ADCY5: variants seen among roughly 807,000 people sequenced by gnomAD.
ADCY5 encodes the protein adenylate cyclase 5.
Under a neutral mutation model 119.7 loss-of-function variants are expected in ADCY5, and 30 were observed. The observed-to-expected ratio is 0.25, with a 90% confidence interval of 0.19 to 0.34. The LOEUF (loss-of-function observed/expected upper bound fraction) is 0.34. ADCY5 is among the 10% of genes least tolerant of loss of function. The probability of loss-of-function intolerance (pLI) is 1.00; values close to 1 mark genes in which losing one functional copy is unlikely to be tolerated. For missense variants in ADCY5, 1,324 were observed against 1,775.2 expected (o/e 0.75, Z 4.57); for synonymous variants, 753 against 762.2 (o/e 0.99, Z 0.20).
intron 2 of ADCY5, among the ~76,000 whole-genome samples, chr3:123,348,205 G>A (rs1473368458): frequency 6.6e-6 from 1 of 152,028 alleles, no homozygotes; most frequent in Non-Finnish European, 1.5e-5. Context: ...TGAGCACCTC[G>A]GGTTAGAATC....
intron 7 of ADCY5, 73 bp from the exon 8 acceptor site, chr3:123,325,535 C>G (rs1941443964): frequency 1.9e-6 from 3 of 1,587,560 alleles, no homozygotes; most frequent in Non-Finnish European, 2.6e-6. Context: ...CCCCAAACAT[C>G]GTACCTGGCC....
At chr3:123,397,202 G>T (rs1054785632) in intron 1 of ADCY5, among the ~76,000 whole-genome samples, 2 of 152,164 alleles carry the variant, frequency 1.3e-5, no homozygotes, top group African/African-American at 2.4e-5. Flanking sequence ...TTTCCTTACT[G>T]CTCGCTGCAG....
chr3:123,439,099 C>T (rs559271714), intron 1 of ADCY5, among the ~76,000 whole-genome samples: 274 of 1,290 alleles, frequency 0.21, 4 homozygotes, highest in African/African-American at 0.28. Context: ...GATGGAGTCT[C>T]GCTCTATCAC....
chr3:123,437,830 G>T (rs1221726073), intron 1 of ADCY5, among the ~76,000 whole-genome samples: 1 of 152,138 alleles, frequency 6.6e-6, no homozygotes, highest in Non-Finnish European at 1.5e-5. Flanking sequence ...AGCCCACCAA[G>T]GGTCATTGTG....
chr3:123,306,094 A>G (rs1187088770), intron 12 of ADCY5, among the ~76,000 whole-genome samples: 1 of 152,258 alleles, frequency 6.6e-6, no homozygotes, highest in East Asian at 1.9e-4. Context: ...CCTCTGGGAT[A>G]ATAAAAAGAG....
At chr3:123,312,064 A>G (rs1468388390) in intron 12 of ADCY5, among the ~76,000 whole-genome samples, 3 of 152,344 alleles carry the variant, frequency 2.0e-5, no homozygotes, top group Middle Eastern at 3.4e-3. Context: ...AGGTGGCTGC[A>G]GGCAGGAAAA....
At chr3:123,306,305 G>A (rs1940195310) in intron 12 of ADCY5, among the ~76,000 whole-genome samples, 1 of 152,186 alleles carries the variant, frequency 6.6e-6, no homozygotes, top group Non-Finnish European at 1.5e-5. Context: ...TCAACAAATT[G>A]TGCTGGGACA....
chr3:123,347,629 C>T (rs1942620363), intron 3 of ADCY5, among the ~76,000 whole-genome samples, 153 bp downstream of exon 3: 2 of 152,140 alleles, frequency 1.3e-5, no homozygotes, highest in South Asian at 4.1e-4. Flanking sequence ...ATTTAACACA[C>T]CTGGAGGGGT....
In ADCY5 at chr3:123,336,753, G is replaced by A. The variant is rs1203190485; in HGVS notation, c.1407-4078C>T. On this transcript the variant is annotated intron_variant, in intron 3 of 20. Transcript: ENST00000462833. ...AGGTGGGCCAGGCCTCTGCCCACCC[G>A]TGCACTGGATGGCCAGGCCTGTGGT... Among the ~76,000 whole-genome samples the A allele has an allele frequency of 5.9e-5, 9 of 152,156 alleles. No homozygotes were observed. The South Asian group carries it at 1.0e-3, about 18-fold the overall frequency.
rs111497612 is a variant in ADCY5 at position 123,402,455 on chromosome 3, G to T, written c.1134+44957C>A. ...CATGTGTTGACAATGCCGGCAGGAT[G>T]CTGGAAGCCAAGGGGGCCCAGGAAG... On this transcript the variant is annotated intron_variant, in intron 1 of 20. Transcript: ENST00000462833. 3.2e-3 allele frequency among the ~76,000 whole-genome samples: 480 copies of T among 152,324 alleles called. 4 individuals carry two copies. Among genetic ancestry groups the T allele is most frequent in the African/African-American group, 0.011 (459 of 41,584 alleles).
rs571944438 is a variant in ADCY5 at position 123,303,272 on chromosome 3, T to C, written c.2560-53A>G. 3.6e-4 allele frequency: 560 copies of C among 1,570,098 alleles called. 2 individuals carry two copies. In the African/African-American group the frequency reaches 6.8e-3, roughly 19 times the overall value. On this transcript the variant is annotated intron_variant, in intron 13 of 20. Coordinates refer to ENST00000462833, the MANE Select transcript of ADCY5 (RefSeq NM_183357.3). ...GGAGGGTAAGCTGCTGGGGGACAGGTAGAGCAGCCCAGCCCACCAGGCCGC... is the reference window on the plus strand; with the variant it reads ...GGAGGGTAAGCTGCTGGGGGACAGGCAGAGCAGCCCAGCCCACCAGGCCGC...
Position 123,330,871 on chromosome 3 carries a change from C to CG in ADCY5, c.1646+17dup, listed in dbSNP as rs749072849. On this transcript the variant is annotated intron_variant, in intron 5 of 20. Transcript: ENST00000462833. ...CAGTCCCAGGGAGGGAGACGGTACCCGGGGGGTGGACACTTACGAGATGGC... is the reference window on the plus strand; with the variant it reads ...CAGTCCCAGGGAGGGAGACGGTACCCGGGGGGGTGGACACTTACGAGATGGC... 3.1e-6 allele frequency: 5 copies of CG among 1,601,732 alleles called. No homozygotes were observed. Among genetic ancestry groups the CG allele is most frequent in the Non-Finnish European group, 8.5e-7 (1 of 1,173,940 alleles).
intron 8 of ADCY5, among the ~76,000 whole-genome samples, chr3:123,321,839 A>AC (rs1461486408): frequency 6.6e-6 from 1 of 152,000 alleles, no homozygotes; most frequent in Non-Finnish European, 1.5e-5. Context: ...CAGAGGCTCT[A>AC]CCCCCAGCTG....
At chr3:123,353,616 C>T (rs1559831247) in intron 1 of ADCY5, among the ~76,000 whole-genome samples, 1 of 152,226 alleles carries the variant, frequency 6.6e-6, no homozygotes. Flanking sequence ...GCACCTTCTG[C>T]TGTGGCTCCC....
chr3:123,320,800 G>T, intron 8 of ADCY5, 29 bp from the exon 9 acceptor site: 1 of 1,536,812 alleles, frequency 6.5e-7, no homozygotes, highest in Non-Finnish European at 9.0e-7. Context: ...AAGAGAAAGA[G>T]AAGAGAATGA....
chr3:123,327,904 C>T lies in ADCY5; in HGVS notation c.1806-145G>A, dbSNP rs1941572536. The T allele has an allele frequency of 6.3e-6, 6 of 951,442 alleles. No homozygotes were observed. In the South Asian group the frequency reaches 6.7e-5, roughly 11 times the overall value. 58.9% of individuals were successfully genotyped at this position (951,442 alleles called of 1,614,324 possible). A position where few individuals can be genotyped will look rare whatever the true frequency, so the allele number is the denominator to read the frequency against. On this transcript the variant is annotated intron_variant, in intron 6 of 20. Transcript: ENST00000462833. Reference sequence around the variant, plus strand: ...AGCTCTGCTCAAATCCTAACCTCAACCTTGCATGGTACCCTCCATTACTAT... The same window carrying T: ...AGCTCTGCTCAAATCCTAACCTCAATCTTGCATGGTACCCTCCATTACTAT...
intron 3 of ADCY5, among the ~76,000 whole-genome samples, chr3:123,343,818 C>T (rs983856745): frequency 3.9e-4 from 60 of 152,294 alleles, no homozygotes; most frequent in African/African-American, 1.3e-3. Context: ...GGTGGACATC[C>T]CAGCATGGGC....
chr3:123,443,763 G>C (rs1945763463), intron 1 of ADCY5, among the ~76,000 whole-genome samples: 1 of 152,204 alleles, frequency 6.6e-6, no homozygotes, highest in South Asian at 2.1e-4. Flanking sequence ...GCTCCCCCAA[G>C]CTCACGGGGA....
At chr3:123,414,449 G>A (rs1424589976) in intron 1 of ADCY5, among the ~76,000 whole-genome samples, 9 of 152,216 alleles carry the variant, frequency 5.9e-5, no homozygotes, top group Admixed American at 2.0e-4. Context: ...TCCTTCAGCC[G>A]GTGATTTCCT....
Sources: gnomAD v4.1 joint callset for allele counts (sites outside exome capture counted in the v4.1 genomes callset) on GRCh38, gnomAD v4.1.1 for gene constraint, MANE v1.5 for transcripts, NCBI Gene and HGNC (gene_info 2026-07-23, HGNC 2026-07-21) for gene names.